The following DCC variants were observed in gnomAD, a reference collection of about 807,000 sequenced individuals.
The protein encoded by DCC is netrin receptor DCC.
In DCC, 58 loss-of-function variants were observed where a neutral mutation model predicts 172.5. The observed-to-expected ratio is 0.34, with a 90% CI of 0.27 to 0.42. DCC has a LOEUF of 0.42. Among genes scored for constraint, DCC ranks in the 10% least tolerant of loss-of-function variants. DCC has a pLI of 1.00. For synonymous variants in DCC, 709 were observed against 644.5 expected (o/e 1.10, Z -1.52); for missense variants, 1,740 against 1,791.0 (o/e 0.97, Z 0.51).
chr18:53,058,565 A>G (rs981193319), intron 5 of DCC, among the ~76,000 whole-genome samples: 8 of 152,158 alleles, frequency 5.3e-5, no homozygotes, highest in Non-Finnish European at 1.0e-4. Flanking sequence ...GCAATCCCAA[A>G]ATGGGACAAA....
At chr18:52,792,649 CT>C (rs1568106864) in intron 2 of DCC, among the ~76,000 whole-genome samples, 1 of 152,046 alleles carries the variant, frequency 6.6e-6, no homozygotes, top group Non-Finnish European at 1.5e-5. Context: ...ACATCCGAGT[CT>C]TTAAGAATGG....
chr18:53,212,006 C>G (rs1197716140), intron 11 of DCC, among the ~76,000 whole-genome samples: 2 of 152,214 alleles, frequency 1.3e-5, no homozygotes, highest in African/African-American at 2.4e-5. Context: ...CTAGATCACA[C>G]CACTGCATTC....
chr18:52,985,592 G>A (rs771339410), intron 5 of DCC, among the ~76,000 whole-genome samples: 13 of 151,946 alleles, frequency 8.6e-5, no homozygotes, highest in South Asian at 2.1e-4. Context: ...AATGAGTGCC[G>A]TCAATTTTTC....
intron 7 of DCC, among the ~76,000 whole-genome samples, 187 bp downstream of exon 7, chr18:53,066,353 G>GTATATATATA (rs10526030): frequency 4.4e-4 from 42 of 94,570 alleles, no homozygotes; most frequent in Middle Eastern, 7.0e-3. Flanking sequence ...GTACATGTGT[G>GTATATATATA]TATATATATA....
chr18:52,588,750 G>T (rs890016727), intron 1 of DCC, among the ~76,000 whole-genome samples: 1 of 152,060 alleles, frequency 6.6e-6, no homozygotes, highest in Non-Finnish European at 1.5e-5. Flanking sequence ...GTGGAAGCAG[G>T]AACAGGTGAA....
At chr18:53,037,956 A>C (rs2042118824) in intron 5 of DCC, among the ~76,000 whole-genome samples, 1 of 151,998 alleles carries the variant, frequency 6.6e-6, no homozygotes, top group African/African-American at 2.4e-5. Flanking sequence ...GCAAATGAAA[A>C]AACGTAAGAA....
At chr18:52,811,135 A>G (rs1317683215) in intron 2 of DCC, among the ~76,000 whole-genome samples, 3 of 152,178 alleles carry the variant, frequency 2.0e-5, no homozygotes, top group Non-Finnish European at 4.4e-5. Flanking sequence ...AAAACAAAAA[A>G]CAACAAAATG....
At chr18:53,302,751 T>A (rs1429330644) in intron 12 of DCC, among the ~76,000 whole-genome samples, 1 of 152,200 alleles carries the variant, frequency 6.6e-6, no homozygotes, top group Non-Finnish European at 1.5e-5. Flanking sequence ...AGACTTAGAA[T>A]CCTAGATTAG....
chr18:52,543,308 A>C (rs1190471950), intron 1 of DCC, among the ~76,000 whole-genome samples: 1 of 152,216 alleles, frequency 6.6e-6, no homozygotes, highest in Non-Finnish European at 1.5e-5. Context: ...TCAATATATA[A>C]TTATTAATAA....
chr18:52,802,461 T>C (rs1020406472), intron 2 of DCC, among the ~76,000 whole-genome samples: 2 of 125,108 alleles, frequency 1.6e-5, no homozygotes, highest in Non-Finnish European at 3.4e-5. Flanking sequence ...AACCCATATA[T>C]AACTTTTTAC....
At chr18:52,953,014 A>AAAAAAAAAAAAC (rs2040680615) in intron 5 of DCC, among the ~76,000 whole-genome samples, 1 of 150,540 alleles carries the variant, frequency 6.6e-6, no homozygotes, top group African/African-American at 2.4e-5. Context: ...AAAAAAAAAA[A>AAAAAAAAAAAAC]AAAAAAAAAA....
chr18:52,463,936 A>G (rs375161874), intron 1 of DCC, among the ~76,000 whole-genome samples: 2 of 152,284 alleles, frequency 1.3e-5, no homozygotes, highest in East Asian at 3.9e-4. Flanking sequence ...GTGCCTGACA[A>G]TCCTTCAGTA....
intron 1 of DCC, among the ~76,000 whole-genome samples, chr18:52,558,023 T>A (rs1430407952): frequency 6.6e-6 from 1 of 152,192 alleles, no homozygotes; most frequent in Admixed American, 6.6e-5. Context: ...ATATTATATA[T>A]AAATTTGTGT....
At chr18:52,789,441 A>G (rs913964286) in intron 2 of DCC, among the ~76,000 whole-genome samples, 5 of 152,182 alleles carry the variant, frequency 3.3e-5, no homozygotes, top group Non-Finnish European at 5.9e-5. Context: ...TCAAGAAGAG[A>G]CAAACATAAA....
intron 2 of DCC, among the ~76,000 whole-genome samples, chr18:52,830,359 G>A (rs1039082791): frequency 4.3e-4 from 66 of 152,240 alleles, no homozygotes; most frequent in African/African-American, 1.6e-3. Flanking sequence ...TCTTCTTCTA[G>A]TGTGTTCCAA....
At chr18:52,821,732 GT>G (rs2038410478) in intron 2 of DCC, among the ~76,000 whole-genome samples, 1 of 152,178 alleles carries the variant, frequency 6.6e-6, no homozygotes. Flanking sequence ...GTATGTATCT[GT>G]TTGCTTGTGT....
At chr18:52,505,847 T>C (rs972760219) in intron 1 of DCC, among the ~76,000 whole-genome samples, 2 of 152,220 alleles carry the variant, frequency 1.3e-5, no homozygotes, top group Non-Finnish European at 2.9e-5. Flanking sequence ...TAGCATTGTT[T>C]TTTTCAAAGA....
At chr18:52,627,330 T>C (rs2034593453) in intron 1 of DCC, among the ~76,000 whole-genome samples, 1 of 152,188 alleles carries the variant, frequency 6.6e-6, no homozygotes, top group Non-Finnish European at 1.5e-5. Flanking sequence ...TAACAGTGCC[T>C]GGGTGAGTTG....
chr18:53,222,021 T>C (rs1197871887), intron 12 of DCC, among the ~76,000 whole-genome samples: 1 of 152,194 alleles, frequency 6.6e-6, no homozygotes. Context: ...TCATATTCCA[T>C]CAGAATTTAG....
Sources: gnomAD v4.1 joint callset for allele counts (sites outside exome capture counted in the v4.1 genomes callset) on GRCh38, gnomAD v4.1.1 for gene constraint, MANE v1.5 for transcripts, NCBI Gene and HGNC (gene_info 2026-07-23, HGNC 2026-07-21) for gene names.